Variants in ABLIM2 observed in about 807,000 individuals in gnomAD.
The protein encoded by ABLIM2 is actin binding LIM protein family member 2.
A neutral mutation model predicts 97.7 loss-of-function variants in ABLIM2; 53 were observed. That is an observed-to-expected ratio of 0.54 (90% CI 0.44 to 0.68). The LOEUF (loss-of-function observed/expected upper bound fraction) is 0.68. Ranked by LOEUF, ABLIM2 falls within the 30% of genes least tolerant of loss-of-function variation. The pLI, the probability that ABLIM2 is intolerant of heterozygous loss-of-function variation, is 0.00. For synonymous variants in ABLIM2, 361 were observed against 345.8 expected (o/e 1.04, Z -0.49); for missense variants, 835 against 867.2 (o/e 0.96, Z 0.47).
chr4:8,055,882 G>A (rs1185490312), intron 7 of ABLIM2, among the ~76,000 whole-genome samples: 1 of 152,094 alleles, frequency 6.6e-6, no homozygotes, highest in Non-Finnish European at 1.5e-5. Context: ...GGAGGCCAAG[G>A]TGGGTGGATC....
intron 2 of ABLIM2, among the ~76,000 whole-genome samples, chr4:8,102,025 C>G (rs1834904433): frequency 6.6e-6 from 1 of 152,182 alleles, no homozygotes; most frequent in Non-Finnish European, 1.5e-5. Flanking sequence ...CGACTCCCAC[C>G]CTGGCCTCCC....
In ABLIM2 at chr4:7,998,985, T is replaced by A. The variant is rs144643952; in HGVS notation, c.1619-6058A>T. On this transcript the variant is annotated intron_variant, in intron 16 of 20. Coordinates refer to ENST00000447017, the MANE Select transcript of ABLIM2 (RefSeq NM_001130083.2). The surrounding 1 kb of genome is among the most constrained non-coding windows in gnomAD (Gnocchi z 6.4). ...GCTGTCTGGACTCCTGAAGTTGGTC[T>A]CTGTTGGGGTGGACCAGCAATCTGT... Among the ~76,000 whole-genome samples, 19 of 152,340 alleles carry A rather than the reference T, an allele frequency of 1.2e-4. No homozygotes were observed. The highest frequency in any genetic ancestry group is 5.9e-4 in the Admixed American group (9 of 15,300).
intron 2 of ABLIM2, among the ~76,000 whole-genome samples, chr4:8,100,742 A>G (rs1834113089): frequency 8.8e-6 from 1 of 113,440 alleles, no homozygotes; most frequent in Non-Finnish European, 1.7e-5. Flanking sequence ...ATGAAACTCC[A>G]TCTCAGGAAA....
intron 20 of ABLIM2, among the ~76,000 whole-genome samples, chr4:7,968,748 CTGGAATGTTCCGGAGT>C (rs754610963): frequency 3.4e-4 from 51 of 152,068 alleles, no homozygotes; most frequent in Admixed American, 1.3e-4. Flanking sequence ...TGTTCCGGAG[CTGGAATGTTCCGGAGT>C]TGGAATGTTC....
chr4:7,978,804 T>A (rs1735686107), intron 20 of ABLIM2, among the ~76,000 whole-genome samples: 3 of 152,242 alleles, frequency 2.0e-5, no homozygotes, highest in Admixed American at 6.5e-5. Flanking sequence ...AGCTGAAGAA[T>A]GCGTCCCCGC....
intron 14 of ABLIM2, among the ~76,000 whole-genome samples, chr4:8,012,578 C>A (rs1169116790): frequency 3.3e-5 from 5 of 150,396 alleles, no homozygotes; most frequent in African/African-American, 1.2e-4. Flanking sequence ...ACTGCCCATC[C>A]ATCCACCCAT....
intron 2 of ABLIM2, among the ~76,000 whole-genome samples, chr4:8,103,114 G>A (rs1835483002): frequency 6.6e-6 from 1 of 152,182 alleles, no homozygotes; most frequent in African/African-American, 2.4e-5. Context: ...GGAACATTTG[G>A]GCATCCATCA....
intron 20 of ABLIM2, among the ~76,000 whole-genome samples, chr4:7,974,781 C>T (rs568381600): frequency 3.3e-4 from 50 of 152,156 alleles, no homozygotes; most frequent in Non-Finnish European, 6.6e-4. Context: ...ATCTATCCAT[C>T]CATGCATCCC....
intron 16 of ABLIM2, chr4:8,007,300 G>A: frequency 1.8e-5 from 18 of 985,362 alleles, no homozygotes; most frequent in Non-Finnish European, 2.0e-5. Flanking sequence ...ATTTGAACTT[G>A]GGACTGCCTC....
intron 1 of ABLIM2, among the ~76,000 whole-genome samples, chr4:8,143,209 A>T (rs1395800583): frequency 6.9e-6 from 1 of 145,592 alleles, no homozygotes; most frequent in Non-Finnish European, 1.5e-5. Context: ...GCCCAGCTCT[A>T]TCACAGCGTC....
rs537717093 is a variant in ABLIM2, at chr4:8,069,995, G to T, written c.675+7633C>A. Among the ~76,000 whole-genome samples the T allele has an allele frequency of 6.6e-6, 1 of 151,878 alleles. No individual in the cohort carries two copies. Among genetic ancestry groups the T allele is most frequent in the African/African-American group, 2.4e-5 (1 of 41,338 alleles). On this transcript the variant is annotated intron_variant, in intron 6 of 20. Coordinates refer to ENST00000447017, the MANE Select transcript of ABLIM2 (RefSeq NM_001130083.2). The surrounding 1 kb of genome is among the most constrained non-coding windows in gnomAD (Gnocchi z 4.2). ...GTCTGCACGTCTTGTATGTGTATGT[G>T]ATCTGTGTGTCCTTTTGTGTGTTTG...
chr4:8,025,357 C>T (rs1776623625), intron 12 of ABLIM2, among the ~76,000 whole-genome samples: 1 of 151,832 alleles, frequency 6.6e-6, no homozygotes, highest in Admixed American at 6.6e-5. Flanking sequence ...GCCTCCTGGC[C>T]CCGGGAGATG....
chr4:8,045,049 C>A (rs1285666899), intron 9 of ABLIM2, 115 bp downstream of exon 9: 2 of 916,706 alleles, frequency 2.2e-6, no homozygotes, highest in Non-Finnish European at 3.6e-6. Context: ...GTACCTCAGG[C>A]CCCAGATGAT....
intron 2 of ABLIM2, among the ~76,000 whole-genome samples, chr4:8,106,076 C>T (rs1227035866): frequency 2.0e-5 from 3 of 152,202 alleles, no homozygotes; most frequent in South Asian, 2.1e-4. Context: ...AGTGCTACTT[C>T]GGGTGGGGGT....
intron 1 of ABLIM2, among the ~76,000 whole-genome samples, chr4:8,152,568 C>T (rs2152959954): frequency 6.6e-6 from 1 of 152,316 alleles, no homozygotes; most frequent in Middle Eastern, 3.4e-3. Flanking sequence ...TGGAAAAATT[C>T]CTTGAGTAAA....
rs970825858 is a variant in ABLIM2, at chr4:8,072,014, G to A, written c.675+5614C>T. The A allele has an allele frequency of 1.9e-5, 19 of 985,470 alleles. No individual in the cohort carries two copies. The highest frequency in any genetic ancestry group is 6.1e-5 in the Admixed American group (1 of 16,290). The allele number at this position is 985,470 out of a possible 1,614,324, so 61.0% of individuals were successfully genotyped here. On this transcript the variant is annotated intron_variant, in intron 6 of 20. Coordinates refer to ENST00000447017, the MANE Select transcript of ABLIM2 (RefSeq NM_001130083.2). This position sits in a 1 kb window ranked among gnomAD's most constrained non-coding sequence, Gnocchi z 5.8. ...GGAGCCAGGCTTGTCCCCGCCCGCA[G>A]TTCCCACCTTGCACCCGGGGAGGAT... is the stretch of plus-strand genomic sequence containing the variant.
At chr4:8,016,777 C>T (rs766226421) in intron 14 of ABLIM2, among the ~76,000 whole-genome samples, 11 of 152,190 alleles carry the variant, frequency 7.2e-5, no homozygotes, top group Non-Finnish European at 1.6e-4. Flanking sequence ...AGAACACCTG[C>T]CCAGTGTTGG....
In ABLIM2 at chr4:8,140,074, G is replaced by C. The variant is rs1178587337; in HGVS notation, c.10+18606C>G. 1.6e-5 allele frequency among the ~76,000 whole-genome samples: 2 copies of C among 128,500 alleles called. No individual in the cohort carries two copies. Among genetic ancestry groups the C allele is most frequent in the Non-Finnish European group, 3.2e-5 (2 of 63,298 alleles). 84.3% of individuals were successfully genotyped at this position (128,500 alleles called of 152,430 possible). On this transcript the variant is annotated intron_variant, in intron 1 of 20. Transcript: ENST00000447017. This position sits in a 1 kb window ranked among gnomAD's most constrained non-coding sequence, Gnocchi z 5.9. ...CAGTGAGAACACATGGAAACGGGGA[G>C]ACGAACAACACACACTAGGGCCTGT...
Position 8,158,725 on chromosome 4 carries a change from TG to T in ABLIM2, c.-37del. 7.0e-7 allele frequency: 1 copy of T among 1,428,872 alleles called. No individual in the cohort carries two copies. Among genetic ancestry groups the T allele is most frequent in the Non-Finnish European group, 9.2e-7 (1 of 1,090,568 alleles). The allele number at this position is 1,428,872 out of a possible 1,614,324, so 88.5% of individuals were successfully genotyped here. A position where few individuals can be genotyped will look rare whatever the true frequency, so the allele number is the denominator to read the frequency against. ...GCTCGGAGTCGGGGCGGCCCGGCGC[TG>T]CGACAGCCAGACCCTCGGGCCCGCA... On this transcript the variant is annotated 5_prime_UTR_variant, in exon 1 of 21. Coordinates refer to ENST00000447017, the MANE Select transcript of ABLIM2 (RefSeq NM_001130083.2).
Sources: gnomAD v4.1 joint callset for allele counts (sites outside exome capture counted in the v4.1 genomes callset) on GRCh38, gnomAD v4.1.1 for gene constraint, Gnocchi (gnomAD v3.1) non-coding constraint, MANE v1.5 for transcripts, NCBI Gene and HGNC (gene_info 2026-07-23, HGNC 2026-07-21) for gene names.